Variants in TAFA4 observed in about 807,000 individuals in gnomAD.
TAFA4 encodes chemokine-like protein TAFA-4.
In TAFA4, 20 loss-of-function variants were observed where a neutral mutation model predicts 21.1. The ratio of observed to expected loss-of-function variants is 0.95; its 90% CI spans 0.67 to 1.38. The LOEUF (loss-of-function observed/expected upper bound fraction) is 1.38, where lower values mean the gene tolerates loss of function less well. TAFA4 is among the 40% of genes most tolerant of loss of function. The pLI is 0.00. For synonymous variants in TAFA4, 71 were observed against 67.4 expected, an observed-to-expected ratio of 1.05 and a Z score of -0.26; for missense variants, 211 against 180.9, an observed-to-expected ratio of 1.17 and a Z score of -0.95.
At chr3:68,894,193 C>G (rs913147114) in intron 1 of TAFA4, among the ~76,000 whole-genome samples, 3 of 147,682 alleles carry the variant, frequency 2.0e-5, no homozygotes, top group Non-Finnish European at 4.4e-5. Flanking sequence ...GAGTCTCACT[C>G]TGTCACCCAG....
At chr3:68,894,849 T>G (rs1172737332) in intron 1 of TAFA4, among the ~76,000 whole-genome samples, 2 of 151,458 alleles carry the variant, frequency 1.3e-5, no homozygotes, top group Non-Finnish European at 2.9e-5. Context: ...TTTTTGGTTT[T>G]GTTTTGTTTT....
chr3:68,829,373 G>C (rs373894079), intron 3 of TAFA4, among the ~76,000 whole-genome samples: 1 of 152,096 alleles, frequency 6.6e-6, no homozygotes, highest in East Asian at 1.9e-4. Flanking sequence ...ATCAATACCT[G>C]GTTTATTGAC....
At chr3:68,816,902 A>G (rs2106855498) in intron 3 of TAFA4, among the ~76,000 whole-genome samples, 1 of 152,310 alleles carries the variant, frequency 6.6e-6, no homozygotes, top group Admixed American at 6.5e-5. Flanking sequence ...TGAGCCTTCA[A>G]TATGTCATAA....
At chr3:68,766,336 G>C (rs1702854338) in intron 3 of TAFA4, among the ~76,000 whole-genome samples, 1 of 151,884 alleles carries the variant, frequency 6.6e-6, no homozygotes, top group Non-Finnish European at 1.5e-5. Context: ...ACAAGACAAA[G>C]TTTCATAAGG....
intron 3 of TAFA4, among the ~76,000 whole-genome samples, chr3:68,813,461 A>G (rs1472777503): frequency 1.3e-5 from 2 of 152,194 alleles, no homozygotes; most frequent in East Asian, 3.8e-4. Flanking sequence ...TCAAATAGAC[A>G]CAATAAAAAA....
intron 1 of TAFA4, among the ~76,000 whole-genome samples, chr3:68,900,618 C>T (rs1038457399): frequency 6.6e-6 from 1 of 152,204 alleles, no homozygotes; most frequent in African/African-American, 2.4e-5. Context: ...TTTATACTCT[C>T]GTGAGAATTC....
At chr3:68,798,210 G>A (rs1262569621) in intron 3 of TAFA4, among the ~76,000 whole-genome samples, 4 of 152,148 alleles carry the variant, frequency 2.6e-5, no homozygotes. Flanking sequence ...ATGGAGATAT[G>A]CTGAAGTCAG....
At chr3:68,895,231 C>G (rs1204311662) in intron 1 of TAFA4, among the ~76,000 whole-genome samples, 2 of 152,186 alleles carry the variant, frequency 1.3e-5, no homozygotes, top group Non-Finnish European at 2.9e-5. Context: ...CTTCTGACCT[C>G]AGGTGATCCG....
intron 3 of TAFA4, among the ~76,000 whole-genome samples, chr3:68,864,617 T>C (rs1377616368): frequency 6.6e-6 from 1 of 152,108 alleles, no homozygotes; most frequent in East Asian, 1.9e-4. Context: ...AATGAAACCA[T>C]ATGTCTGTGT....
At chr3:68,885,618 C>T (rs910908368) in intron 1 of TAFA4, among the ~76,000 whole-genome samples, 1 of 152,148 alleles carries the variant, frequency 6.6e-6, no homozygotes, top group Non-Finnish European at 1.5e-5. Context: ...GCACAAATTT[C>T]ACTCTCCCAT....
At chr3:68,733,537 CTTTTTTATGTTA>C (rs907700083) in intron 5 of TAFA4, among the ~76,000 whole-genome samples, 2 of 152,034 alleles carry the variant, frequency 1.3e-5, no homozygotes, top group African/African-American at 4.8e-5. Flanking sequence ...AAAATGTTGC[CTTTTTTATGTTA>C]TTTTTTATGC....
chr3:68,841,758 C>T (rs1452063530), intron 3 of TAFA4, among the ~76,000 whole-genome samples: 1 of 151,886 alleles, frequency 6.6e-6, no homozygotes, highest in Non-Finnish European at 1.5e-5. Flanking sequence ...CGTGTGTTCT[C>T]ATTGTTCAAC....
chr3:68,925,202 TCTGTGTGTGC>T (rs2090096510), intron 1 of TAFA4, among the ~76,000 whole-genome samples: 2 of 152,128 alleles, frequency 1.3e-5, no homozygotes. Context: ...CATGGATATC[TCTGTGTGTGC>T]GTGTGTGTGA....
At chr3:68,882,480 A>G (rs2089629718) in intron 2 of TAFA4, among the ~76,000 whole-genome samples, 1 of 152,170 alleles carries the variant, frequency 6.6e-6, no homozygotes, top group South Asian at 2.1e-4. Flanking sequence ...AGCTGCCCCT[A>G]GAAGGGTCTC....
intron 3 of TAFA4, among the ~76,000 whole-genome samples, chr3:68,873,028 A>G (rs369930663): frequency 2.0e-5 from 3 of 152,212 alleles, no homozygotes; most frequent in East Asian, 3.9e-4. Flanking sequence ...AGCATGGGTA[A>G]ATATCAGCCG....
chr3:68,767,268 G>A (rs1702872614), intron 3 of TAFA4, among the ~76,000 whole-genome samples: 1 of 152,052 alleles, frequency 6.6e-6, no homozygotes, highest in Non-Finnish European at 1.5e-5. Flanking sequence ...GAGATATGGG[G>A]CCCAGGAATC....
intron 4 of TAFA4, among the ~76,000 whole-genome samples, chr3:68,743,152 G>A (rs1271658161): frequency 6.6e-6 from 1 of 152,148 alleles, no homozygotes; most frequent in Non-Finnish European, 1.5e-5. Flanking sequence ...TTGTGATCTA[G>A]GGTAACCACT....
chr3:68,850,965 T>C (rs1324897781), intron 3 of TAFA4, among the ~76,000 whole-genome samples: 1 of 152,220 alleles, frequency 6.6e-6, no homozygotes, highest in Non-Finnish European at 1.5e-5. Context: ...CCCATGCCTA[T>C]GTACTGAATG....
At chr3:68,882,568 C>T (rs2089630685) in intron 2 of TAFA4, among the ~76,000 whole-genome samples, 3 of 152,154 alleles carry the variant, frequency 2.0e-5, no homozygotes, top group East Asian at 1.9e-4. Context: ...AACTTCTGAT[C>T]CTTGGGTAAG....
Sources: allele counts gnomAD v4.1 joint callset (sites outside exome capture counted in the v4.1 genomes callset), GRCh38; gene constraint gnomAD v4.1.1; transcripts MANE v1.5; gene names NCBI Gene and HGNC (gene_info 2026-07-23, HGNC 2026-07-21).